The following PHLPP1 variants were observed in gnomAD, a reference collection of about 807,000 sequenced individuals.
The protein encoded by PHLPP1 is PH domain and leucine rich repeat protein phosphatase 1.
In PHLPP1, 42 loss-of-function variants were observed where a neutral mutation model predicts 117.2. The observed-to-expected ratio is 0.36, with a 90% CI of 0.28 to 0.46. The LOEUF (loss-of-function observed/expected upper bound fraction) is 0.46, where lower values mean the gene tolerates loss of function less well. Ranked by LOEUF, PHLPP1 falls within the 20% of genes least tolerant of loss-of-function variation. PHLPP1 has a pLI of 1.00. For missense variants in PHLPP1, 2,084 were observed against 2,241.9 expected, an observed-to-expected ratio of 0.93 and a Z score of 1.42; for synonymous variants, 1,042 against 970.7, an observed-to-expected ratio of 1.07 and a Z score of -1.37.
chr18:62,939,584 A>G (rs1335071871), intron 10 of PHLPP1, among the ~76,000 whole-genome samples: 3 of 151,252 alleles, frequency 2.0e-5, no homozygotes, highest in Admixed American at 6.6e-5. Flanking sequence ...TGTAGCACAC[A>G]CGACTATAAT....
intron 6 of PHLPP1, among the ~76,000 whole-genome samples, chr18:62,900,433 C>CATTTT (rs1916688086): frequency 1.8e-5 from 1 of 54,258 alleles, no homozygotes; most frequent in African/African-American, 8.1e-5. Context: ...CTTTTTCTTT[C>CATTTT]TTTTTTTTTT....
In PHLPP1 at chr18:62,972,811, T is replaced by G. The variant is rs186313694; in HGVS notation, c.3755+103T>G. 4,931 of 848,974 alleles carry G rather than the reference T, an allele frequency of 5.8e-3. 29 individuals are homozygous for G. The highest frequency in any genetic ancestry group is 0.011 in the South Asian group (638 of 56,888). 52.6% of individuals were successfully genotyped at this position (848,974 alleles called of 1,614,324 possible). The stretch of plus-strand genomic sequence containing the variant: ...GTGCCCAATGGTCTCCAAGCCATGT[T>G]TTTTGACTATGAGTACCAAGATGCA... On this transcript the variant is annotated intron_variant, in intron 15 of 16. Transcript: ENST00000262719.
chr18:62,917,052 C>T (rs887743852), intron 9 of PHLPP1, among the ~76,000 whole-genome samples: 2 of 151,348 alleles, frequency 1.3e-5, no homozygotes, highest in Non-Finnish European at 2.9e-5. Flanking sequence ...CCACACCTAG[C>T]CTTTTCTATT....
intron 1 of PHLPP1, among the ~76,000 whole-genome samples, chr18:62,799,994 G>T (rs1913730791): frequency 6.6e-6 from 1 of 152,142 alleles, no homozygotes. Context: ...TGCTGGAGAT[G>T]TTATTAACCC....
intron 1 of PHLPP1, among the ~76,000 whole-genome samples, chr18:62,796,864 G>A: frequency 6.6e-6 from 1 of 152,176 alleles, no homozygotes; most frequent in East Asian, 1.9e-4. Context: ...TCAGAAAACT[G>A]TTGATTAGTG....
chr18:62,891,758 T>A (rs1916415793), intron 4 of PHLPP1, among the ~76,000 whole-genome samples: 2 of 147,996 alleles, frequency 1.4e-5, no homozygotes, highest in Non-Finnish European at 3.0e-5. Context: ...CTGGGTTTGG[T>A]GGTGCGTGCC....
intron 12 of PHLPP1, among the ~76,000 whole-genome samples, chr18:62,949,996 G>A (rs1910406619): frequency 6.6e-6 from 1 of 152,146 alleles, no homozygotes; most frequent in Admixed American, 6.5e-5. Context: ...TTTGACATAG[G>A]TTCTCTGTCA....
intron 1 of PHLPP1, among the ~76,000 whole-genome samples, chr18:62,824,583 A>G (rs1914557212): frequency 6.6e-6 from 1 of 151,990 alleles, no homozygotes. Context: ...TAGATACATC[A>G]TATCTTATTT....
intron 9 of PHLPP1, among the ~76,000 whole-genome samples, chr18:62,916,086 A>G (rs909812641): frequency 6.6e-6 from 1 of 152,108 alleles, no homozygotes; most frequent in Admixed American, 6.5e-5. Flanking sequence ...CTTACCCAGA[A>G]GATATACTTG....
At chr18:62,767,429 A>C (rs369243456) in intron 1 of PHLPP1, among the ~76,000 whole-genome samples, 6 of 152,250 alleles carry the variant, frequency 3.9e-5, no homozygotes, top group Non-Finnish European at 8.8e-5. Context: ...CCATTACTGT[A>C]TAAAACTAGA....
intron 1 of PHLPP1, among the ~76,000 whole-genome samples, chr18:62,819,846 A>G (rs1403731897): frequency 6.6e-6 from 1 of 152,142 alleles, no homozygotes; most frequent in Non-Finnish European, 1.5e-5. Flanking sequence ...GGGTTTCACC[A>G]TGTTGGCCGC....
At chr18:62,956,355 A>T (rs962713019) in intron 12 of PHLPP1, among the ~76,000 whole-genome samples, 7 of 152,160 alleles carry the variant, frequency 4.6e-5, no homozygotes, top group African/African-American at 1.4e-4. Context: ...CTGTTTTATA[A>T]GGCCACTAAT....
intron 3 of PHLPP1, among the ~76,000 whole-genome samples, chr18:62,840,854 C>A (rs1027353681): frequency 6.6e-6 from 1 of 152,296 alleles, no homozygotes; most frequent in African/African-American, 2.4e-5. Flanking sequence ...AAGAAACCAT[C>A]ATTAGTACTT....
intron 1 of PHLPP1, chr18:62,825,590 A>G (rs1022310876): frequency 1.3e-5 from 2 of 151,664 alleles, no homozygotes; most frequent in Non-Finnish European, 2.9e-5. Flanking sequence ...CTTCCTGATT[A>G]GCTGGGACTA....
rs1262628931 is a variant in PHLPP1 at position 62,716,299 on chromosome 18, G to T, written c.616G>T (p.Val206Phe). Reference sequence around the variant, plus strand: ...CCAGCTCCAGCGCGGCTGCGTGCACGTCTTCGACCGCCACATGGCCTCGAC... The same window carrying T: ...CCAGCTCCAGCGCGGCTGCGTGCACTTCTTCGACCGCCACATGGCCTCGAC... ...RHQLQRGCVH[V>F]FDRHMASTYL... The change falls in exon 1 of 17, where the codon GTC (valine) becomes TTC (phenylalanine). Residue 206 changes from valine to phenylalanine, a missense_variant. This residue lies in a region of PHLPP1 where 719 missense variants were observed against 636.0 expected (regional missense o/e 1.13). Coordinates refer to ENST00000262719, the MANE Select transcript of PHLPP1 (RefSeq NM_194449.4). The surrounding 1 kb of genome is among the most constrained non-coding windows in gnomAD (Gnocchi z 5.7). 2.0e-5 allele frequency: 30 copies of T among 1,531,420 alleles called. No individual in the cohort carries two copies. In the East Asian group the frequency reaches 7.4e-4, roughly 38 times the overall value. The allele number at this position is 1,531,420 out of a possible 1,614,324, so 94.9% of individuals were successfully genotyped here. A position where few individuals can be genotyped will look rare whatever the true frequency, so the allele number is the denominator to read the frequency against.
intron 3 of PHLPP1, among the ~76,000 whole-genome samples, chr18:62,846,010 C>G (rs1043086112): frequency 2.8e-4 from 43 of 151,994 alleles, no homozygotes; most frequent in African/African-American, 8.9e-4. Flanking sequence ...TCAAGACCAG[C>G]CTGGCCAAGA....
At chr18:62,777,498 ATATTATATATTT>A (rs1395959083) in intron 1 of PHLPP1, among the ~76,000 whole-genome samples, 3 of 148,086 alleles carry the variant, frequency 2.0e-5, no homozygotes, top group African/African-American at 7.3e-5. Flanking sequence ...ATTCTTATTT[ATATTATATATTT>A]TATTATATAT....
intron 14 of PHLPP1, among the ~76,000 whole-genome samples, chr18:62,964,475 C>T (rs538515409): frequency 6.6e-6 from 1 of 152,344 alleles, no homozygotes; most frequent in East Asian, 1.9e-4. Flanking sequence ...ACAGCATCAA[C>T]TCAAATTCTG....
At chr18:62,965,914 A>G (rs1006617248) in intron 14 of PHLPP1, among the ~76,000 whole-genome samples, 1 of 151,892 alleles carries the variant, frequency 6.6e-6, no homozygotes, top group Non-Finnish European at 1.5e-5. Context: ...CATTCCAATT[A>G]GCAAGGGGAG....
Sources: gnomAD v4.1 joint callset for allele counts (sites outside exome capture counted in the v4.1 genomes callset) on GRCh38, gnomAD v4.1.1 for gene constraint, gnomAD v4.1.1 regional missense constraint, Gnocchi (gnomAD v3.1) non-coding constraint, MANE v1.5 for transcripts, NCBI Gene and HGNC (gene_info 2026-07-23, HGNC 2026-07-21) for gene names.